The following SKAP1 variants were observed in gnomAD, a reference collection of about 807,000 sequenced individuals.
SKAP1 encodes src kinase-associated phosphoprotein 1.
In SKAP1, 44 loss-of-function variants were observed where a neutral mutation model predicts 58.5. The ratio of observed to expected loss-of-function variants is 0.75; its 90% CI spans 0.59 to 0.97. SKAP1 has a LOEUF of 0.97. SKAP1 is among the 50% of genes least tolerant of loss of function. The pLI, the probability that SKAP1 is intolerant of heterozygous loss-of-function variation, is 0.00. For missense variants in SKAP1, 390 were observed against 435.2 expected, an observed-to-expected ratio of 0.90 and a Z score of 0.92; for synonymous variants, 127 against 149.7, an observed-to-expected ratio of 0.85 and a Z score of 1.11.
At chr17:48,326,896 T>C (rs895324055) in intron 4 of SKAP1, among the ~76,000 whole-genome samples, 1 of 149,508 alleles carries the variant, frequency 6.7e-6, no homozygotes, top group East Asian at 1.9e-4. Flanking sequence ...TTTCTTTTTT[T>C]TTTTTTTTTT....
chr17:48,342,147 C>T (rs552446590), intron 4 of SKAP1, among the ~76,000 whole-genome samples: 1 of 152,294 alleles, frequency 6.6e-6, no homozygotes, highest in Admixed American at 6.5e-5. Context: ...GTATTGTGGT[C>T]AGTGTTTCCT....
intron 11 of SKAP1, among the ~76,000 whole-genome samples, chr17:48,158,965 GAAA>G (rs34145165): frequency 1.5e-5 from 2 of 131,380 alleles, no homozygotes; most frequent in African/African-American, 2.9e-5. Flanking sequence ...TTCTCAAAAA[GAAA>G]AAAAAAAAAA....
chr17:48,254,416 TA>T (rs1253240462), intron 4 of SKAP1, among the ~76,000 whole-genome samples: 20 of 152,112 alleles, frequency 1.3e-4, no homozygotes, highest in African/African-American at 4.8e-4. Context: ...ACATATGACA[TA>T]AATGTTTGAG....
At chr17:48,439,352 C>A in the SKAP1 span, among the ~76,000 whole-genome samples, 3 of 152,188 alleles carry the variant, frequency 2.0e-5, no homozygotes, top group South Asian at 6.2e-4. Context: ...ATGCATATTG[C>A]AGAATATTCA....
At chr17:48,367,496 T>C (rs989077317) in intron 2 of SKAP1, among the ~76,000 whole-genome samples, 2 of 117,846 alleles carry the variant, frequency 1.7e-5, no homozygotes, top group Admixed American at 8.7e-5. Flanking sequence ...ACTATGGTAA[T>C]CCTTTCACCA....
intron 11 of SKAP1, among the ~76,000 whole-genome samples, chr17:48,150,031 G>C (rs763616296): frequency 1.3e-5 from 2 of 152,044 alleles, no homozygotes; most frequent in Non-Finnish European, 2.9e-5. Context: ...AATTATTTTG[G>C]GTGGTTTAAA....
intron 4 of SKAP1, among the ~76,000 whole-genome samples, chr17:48,318,122 C>T (rs938157159): frequency 2.0e-4 from 31 of 152,062 alleles, no homozygotes; most frequent in Admixed American, 5.2e-4. Context: ...GCCCATAAGC[C>T]CCTAGGAAGA....
At chr17:48,145,431 C>A (rs1277230997) in intron 11 of SKAP1, among the ~76,000 whole-genome samples, 1 of 130,830 alleles carries the variant, frequency 7.6e-6, no homozygotes, top group Non-Finnish European at 1.7e-5. Context: ...AAAAAAAAAA[C>A]CCTACCAAAC....
chr17:48,216,500 T>C (rs2064940683), intron 4 of SKAP1, among the ~76,000 whole-genome samples: 1 of 152,108 alleles, frequency 6.6e-6, no homozygotes, highest in Admixed American at 6.6e-5. Flanking sequence ...TATACTTTTT[T>C]TTTTTTTTTG....
At chr17:48,167,794 G>A (rs1372883118) in intron 10 of SKAP1, among the ~76,000 whole-genome samples, 1 of 152,112 alleles carries the variant, frequency 6.6e-6, no homozygotes, top group Non-Finnish European at 1.5e-5. Context: ...CATAGCACAT[G>A]CAAACAAATG....
At chr17:48,234,067 T>G (rs904014616) in intron 4 of SKAP1, among the ~76,000 whole-genome samples, 1 of 152,220 alleles carries the variant, frequency 6.6e-6, no homozygotes, top group Non-Finnish European at 1.5e-5. Context: ...TTTCTAAGCT[T>G]TCATAACAGC....
At chr17:48,324,568 T>G (rs1174980277) in intron 4 of SKAP1, among the ~76,000 whole-genome samples, 1 of 152,078 alleles carries the variant, frequency 6.6e-6, no homozygotes, top group Non-Finnish European at 1.5e-5. Flanking sequence ...TTTTTTCACT[T>G]AACAATTAAC....
chr17:48,417,483 G>A (rs1385250137), intron 1 of SKAP1, among the ~76,000 whole-genome samples: 1 of 152,112 alleles, frequency 6.6e-6, no homozygotes, highest in Non-Finnish European at 1.5e-5. Flanking sequence ...AGTGGCTAAC[G>A]CCTGTAATCC....
At chr17:48,290,688 C>T (rs934937317) in intron 4 of SKAP1, among the ~76,000 whole-genome samples, 1 of 152,178 alleles carries the variant, frequency 6.6e-6, no homozygotes. Flanking sequence ...GGGTTTTCCA[C>T]TGACATATCT....
intron 3 of SKAP1, among the ~76,000 whole-genome samples, chr17:48,356,933 T>A (rs1055587149): frequency 7.9e-5 from 12 of 152,176 alleles, no homozygotes; most frequent in African/African-American, 2.9e-4. Flanking sequence ...ACTAGTTTGC[T>A]CAAATTACCC....
chr17:48,218,841 C>A (rs1283381942), intron 4 of SKAP1, among the ~76,000 whole-genome samples: 2 of 151,898 alleles, frequency 1.3e-5, no homozygotes, highest in African/African-American at 4.8e-5. Flanking sequence ...AAATACTGCA[C>A]CTTGTTTCCA....
chr17:48,208,939 C>T (rs1276950496), intron 4 of SKAP1, among the ~76,000 whole-genome samples: 1 of 152,180 alleles, frequency 6.6e-6, no homozygotes, highest in Non-Finnish European at 1.5e-5. Context: ...AATCTCCCTT[C>T]CAGATTCTTT....
Position 48,167,164 on chromosome 17 carries a change from C to G in SKAP1, c.877+3445G>C, listed in dbSNP as rs533772470. Among the ~76,000 whole-genome samples the G allele has an allele frequency of 1.1e-3, 163 of 152,284 alleles. 1 individual carries two copies. The highest frequency in any genetic ancestry group is 3.8e-3 in the African/African-American group (157 of 41,556). ...TACAGATGTGAGTTACTGCGCCCAG[C>G]CTTGATAGTTTATTAACTATTTCAG... is the stretch of plus-strand genomic sequence containing the variant. On this transcript the variant is annotated intron_variant, in intron 10 of 12. Transcript: ENST00000336915.
chr17:48,240,465 T>A (rs1327780118), intron 4 of SKAP1, among the ~76,000 whole-genome samples: 1 of 152,222 alleles, frequency 6.6e-6, no homozygotes, highest in Non-Finnish European at 1.5e-5. Context: ...AATAACTCCT[T>A]TTATTCTAAC....
Sources: gnomAD v4.1 joint callset for allele counts (sites outside exome capture counted in the v4.1 genomes callset) on GRCh38, gnomAD v4.1.1 for gene constraint, MANE v1.5 for transcripts, NCBI Gene and HGNC (gene_info 2026-07-23, HGNC 2026-07-21) for gene names.